COL14A1: variants seen among roughly 807,000 people sequenced by gnomAD.
COL14A1 encodes collagen alpha-1(XIV) chain.
COL14A1 carries 136 observed loss-of-function variants against 230.3 expected under a neutral mutation model. That is an observed-to-expected ratio of 0.59 (90% confidence interval 0.51 to 0.68). The LOEUF (loss-of-function observed/expected upper bound fraction) is 0.68. Among genes scored for constraint, COL14A1 ranks in the 30% least tolerant of loss-of-function variants. COL14A1 has a pLI of 0.00. For missense variants in COL14A1, 1,976 were observed against 2,215.8 expected (o/e 0.89, Z 2.17); for synonymous variants, 792 against 784.1 (o/e 1.01, Z -0.17).
intron 5 of COL14A1, among the ~76,000 whole-genome samples, chr8:120,193,217 G>A (rs1407149655): frequency 6.6e-6 from 1 of 152,176 alleles, no homozygotes; most frequent in Non-Finnish European, 1.5e-5. Flanking sequence ...TGTACGGATA[G>A]GTTTTTGGTG....
chr8:120,310,544 T>C (rs573861067), intron 37 of COL14A1, among the ~76,000 whole-genome samples: 12 of 152,308 alleles, frequency 7.9e-5, no homozygotes, highest in African/African-American at 2.9e-4. Flanking sequence ...GTTCAGGTTG[T>C]ACATTGTTCA....
In COL14A1 at chr8:120,270,088, A is replaced by G. The variant is rs1044714078; in HGVS notation, c.3127A>G (p.Ile1043Val). The part of the protein sequence containing the change: ...LVFMVDGSWS[I>V]GDENFNKIIS... Reference sequence around the variant, plus strand: ...ATTTATGGTGGATGGATCCTGGAGCATTGGAGATGAAAATTTCAATAAGAT... The same window carrying G: ...ATTTATGGTGGATGGATCCTGGAGCGTTGGAGATGAAAATTTCAATAAGAT... The change falls in exon 26 of 48, where the codon ATT (isoleucine) becomes GTT (valine). Residue 1043 changes from isoleucine to valine, a missense_variant. Physicochemically the swap from Ile to Val is conservative, Grantham distance 29 (BLOSUM62 3). Around this residue, in one of 3 missense-constraint regions of COL14A1, gnomAD observed 1,791 missense variants for 2,019.5 expected, o/e 0.89. Coordinates refer to ENST00000297848, the MANE Select transcript of COL14A1 (RefSeq NM_021110.4). 2 of 1,611,552 alleles carry G rather than the reference A, an allele frequency of 1.2e-6. No individual in the cohort carries two copies. Among genetic ancestry groups the G allele is most frequent in the Non-Finnish European group, 1.7e-6 (2 of 1,178,456 alleles).
In COL14A1 at chr8:120,247,663, C is replaced by T. The variant is rs115276090; in HGVS notation, c.2530C>T (p.Arg844Trp). The change falls in exon 21 of 48, where the codon CGG becomes TGG. Residue 844 changes from arginine (R) to tryptophan (W), a missense_variant. Coordinates refer to ENST00000297848, the MANE Select transcript of COL14A1 (RefSeq NM_021110.4). ...GCGGGTGTCCGAGGAATGGTATAAC[C>T]GGTTGCGCATTACGTGGGACCCCCC... ...NLRVSEEWYN[R>W]LRITWDPPSS... The T allele has an allele frequency of 3.3e-3, 5,331 of 1,614,090 alleles. 12 individuals are homozygous for T. Among genetic ancestry groups the T allele is most frequent in the Non-Finnish European group, 4.2e-3 (4,987 of 1,180,006 alleles).
chr8:120,133,034 G>A (rs985988383), intron 1 of COL14A1, among the ~76,000 whole-genome samples: 4 of 151,966 alleles, frequency 2.6e-5, no homozygotes, highest in Non-Finnish European at 5.9e-5. Flanking sequence ...TGGCTAACAC[G>A]GTGAAACCCC....
intron 19 of COL14A1, among the ~76,000 whole-genome samples, chr8:120,235,875 C>T (rs1355092855): frequency 1.3e-5 from 2 of 152,054 alleles, no homozygotes; most frequent in Non-Finnish European, 2.9e-5. Flanking sequence ...TTGTTATGTA[C>T]CCAGTAGTCA....
intron 1 of COL14A1, among the ~76,000 whole-genome samples, chr8:120,126,755 A>C (rs892753691): frequency 6.6e-6 from 1 of 152,224 alleles, no homozygotes; most frequent in Admixed American, 6.5e-5. Context: ...AGCATGGTCC[A>C]GTCTGCACAT....
At chr8:120,356,372 A>T (rs1335752282) in intron 45 of COL14A1, among the ~76,000 whole-genome samples, 1 of 152,222 alleles carries the variant, frequency 6.6e-6, no homozygotes, top group Non-Finnish European at 1.5e-5. Flanking sequence ...GATATGTATG[A>T]TTCCAGAATG....
intron 32 of COL14A1, 36 bp from the exon 33 acceptor site, chr8:120,285,821 TTTAA>T (rs1331369712): frequency 7.5e-7 from 1 of 1,338,316 alleles, no homozygotes; most frequent in South Asian, 1.3e-5. Flanking sequence ...ATTCACCTAC[TTTAA>T]TTATTTCTAA....
intron 40 of COL14A1, among the ~76,000 whole-genome samples, chr8:120,323,622 A>G (rs1031389497): frequency 1.3e-5 from 2 of 152,094 alleles, no homozygotes; most frequent in African/African-American, 2.4e-5. Flanking sequence ...TCCGGTTTCA[A>G]TCTTCTGCAT....
At chr8:120,181,546 T>C (rs1169516139) in intron 5 of COL14A1, among the ~76,000 whole-genome samples, 1 of 152,190 alleles carries the variant, frequency 6.6e-6, no homozygotes, top group African/African-American at 2.4e-5. Flanking sequence ...AGTATAAGTA[T>C]ACAATACATA....
chr8:120,239,931 T>G (rs951652692), intron 19 of COL14A1, among the ~76,000 whole-genome samples: 2 of 151,900 alleles, frequency 1.3e-5, no homozygotes, highest in African/African-American at 4.8e-5. Context: ...AGAATAAAAA[T>G]TTAATATCAT....
chr8:120,210,948 G>T (rs1043726804), intron 12 of COL14A1, among the ~76,000 whole-genome samples: 4 of 151,808 alleles, frequency 2.6e-5, no homozygotes, highest in Non-Finnish European at 4.4e-5. Flanking sequence ...CTGAGAAGAT[G>T]CTCAGCCTCA....
At chr8:120,287,802 A>G (rs79096816) in intron 33 of COL14A1, among the ~76,000 whole-genome samples, 5,048 of 152,224 alleles carry the variant, frequency 0.033, 99 homozygotes, top group Middle Eastern at 0.054. Context: ...TGCAAATTCA[A>G]TTTGTAGAAG....
intron 3 of COL14A1, among the ~76,000 whole-genome samples, chr8:120,159,638 A>G (rs1174026073): frequency 2.0e-5 from 3 of 152,118 alleles, no homozygotes; most frequent in Non-Finnish European, 4.4e-5. Context: ...AGCAGATGAA[A>G]CACCTGGTTT....
At chr8:120,203,172 T>C (rs1233214635) in intron 8 of COL14A1, among the ~76,000 whole-genome samples, 1 of 151,956 alleles carries the variant, frequency 6.6e-6, no homozygotes, top group East Asian at 1.9e-4. Flanking sequence ...ATCTTCCTGT[T>C]ATGATGTATT....
In COL14A1 at chr8:120,207,192, G is replaced by A. The variant is rs74547417; in HGVS notation, c.1191+98G>A. 5.3e-4 allele frequency: 555 copies of A among 1,054,072 alleles called. 6 individuals carry two copies. The East Asian group carries it at 0.011, about 20-fold the overall frequency. The allele number at this position is 1,054,072 out of a possible 1,614,324, so 65.3% of individuals were successfully genotyped here. A position where few individuals can be genotyped will look rare whatever the true frequency, so the allele number is the denominator to read the frequency against. ...AGAAATATAAATATAAGATTATTCC[G>A]TCACAGACATTTTAAAGAATTTGAC... On this transcript the variant is annotated intron_variant, in intron 10 of 47. Coordinates refer to ENST00000297848, the MANE Select transcript of COL14A1 (RefSeq NM_021110.4).
chr8:120,365,699 G>T (rs551261729), intron 45 of COL14A1, among the ~76,000 whole-genome samples: 4 of 152,298 alleles, frequency 2.6e-5, no homozygotes, highest in Non-Finnish European at 5.9e-5. Context: ...AGAAATCATT[G>T]TTTTCCTTAT....
intron 19 of COL14A1, among the ~76,000 whole-genome samples, chr8:120,241,973 A>G (rs1017688672): frequency 1.3e-5 from 2 of 152,230 alleles, no homozygotes; most frequent in Non-Finnish European, 1.5e-5. Flanking sequence ...TTGAACACTG[A>G]CATGATGCTA....
intron 14 of COL14A1, among the ~76,000 whole-genome samples, chr8:120,222,391 G>T (rs949060509): frequency 6.6e-6 from 1 of 152,234 alleles, no homozygotes; most frequent in Non-Finnish European, 1.5e-5. Context: ...AGCTTGGGCA[G>T]AACTCAGCAG....
Sources: gnomAD v4.1 joint callset for allele counts (sites outside exome capture counted in the v4.1 genomes callset) on GRCh38, gnomAD v4.1.1 for gene constraint, gnomAD v4.1.1 regional missense constraint, MANE v1.5 for transcripts, NCBI Gene and HGNC (gene_info 2026-07-23, HGNC 2026-07-21) for gene names.